The following PLB1 variants were observed in gnomAD, a reference collection of about 807,000 sequenced individuals.
PLB1 encodes the protein phospholipase B1.
A neutral mutation model predicts 227.4 loss-of-function variants in PLB1; 242 were observed. That is an observed-to-expected ratio of 1.06 (90% confidence interval 0.96 to 1.18). The LOEUF (loss-of-function observed/expected upper bound fraction) is 1.18. Ranked by LOEUF, PLB1 falls within the 50% of genes most tolerant of loss-of-function variation. The pLI, the probability that PLB1 is intolerant of heterozygous loss-of-function variation, is 0.00. For missense variants in PLB1, 1,858 were observed against 1,816.3 expected (o/e 1.02, Z -0.42); for synonymous variants, 757 against 682.2 (o/e 1.11, Z -1.71).
At chr2:28,569,209 G>T (rs1341288541) in intron 20 of PLB1, among the ~76,000 whole-genome samples, 1 of 145,416 alleles carries the variant, frequency 6.9e-6, no homozygotes, top group Non-Finnish European at 1.5e-5. Context: ...AGACAGCGGG[G>T]GCAAGTGTCC....
chr2:28,605,183 C>T (rs146231822), intron 41 of PLB1, among the ~76,000 whole-genome samples: 224 of 152,318 alleles, frequency 1.5e-3, no homozygotes, highest in African/African-American at 4.9e-3. Flanking sequence ...TCGTGTGCAA[C>T]GCTGCGGTTA....
chr2:28,577,568 C>T (rs916659392), intron 21 of PLB1, among the ~76,000 whole-genome samples: 2 of 152,146 alleles, frequency 1.3e-5, no homozygotes, highest in Non-Finnish European at 2.9e-5. Flanking sequence ...ACCGGCCGGG[C>T]GCGGTGGCTC....
At chr2:28,547,221 A>G (rs1354517759) in intron 14 of PLB1, among the ~76,000 whole-genome samples, 1 of 147,662 alleles carries the variant, frequency 6.8e-6, no homozygotes, top group Non-Finnish European at 1.5e-5. Context: ...AAAAAAGAAA[A>G]AAAAAAAATT....
intron 31 of PLB1, 56 bp downstream of exon 31, chr2:28,591,816 T>C (rs11127176): frequency 0.23 from 355,686 of 1,542,818 alleles, 43,903 homozygotes; most frequent in African/African-American, 0.39. Context: ...GCTGCTATGC[T>C]GGTGAGTCCT....
intron 34 of PLB1, among the ~76,000 whole-genome samples, 174 bp downstream of exon 34, chr2:28,598,222 A>G (rs1287708319): frequency 6.6e-6 from 1 of 152,166 alleles, no homozygotes; most frequent in Non-Finnish European, 1.5e-5. Context: ...TAAACACCAG[A>G]TTTAGAGCCT....
Position 28,538,366 on chromosome 2 carries a change from C to T in PLB1, c.603C>T (p.Asp201=), listed in dbSNP as rs770397808. 4 of 1,612,396 alleles carry T rather than the reference C, an allele frequency of 2.5e-6. No individual in the cohort carries two copies. The highest frequency in any genetic ancestry group is 1.3e-5 in the African/African-American group (1 of 74,980). Residue 201 remains aspartate, a synonymous_variant, in exon 10 of 58, where the codon GAC becomes GAT. Coordinates refer to ENST00000327757, the MANE Select transcript of PLB1 (RefSeq NM_153021.5). ...TGGATGAGCTGATGGGGGTGCTGGA[C>T]TACCTGCAGCAGGAGGTGAGGCCAC... is the stretch of plus-strand genomic sequence containing the variant. The part of the protein sequence containing the change: ...GGVDELMGVL[D]YLQQEVPRAF...
chr2:28,579,602 A>G (rs752975589), intron 22 of PLB1, 25 bp from the exon 23 acceptor site: 51 of 1,578,326 alleles, frequency 3.2e-5, no homozygotes, highest in African/African-American at 9.4e-5. Context: ...CAAGGTGCTT[A>G]CTTCTGTGTT....
chr2:28,593,786 C>G (rs1257421069), intron 33 of PLB1, 32 bp downstream of exon 33: 1 of 1,569,762 alleles, frequency 6.4e-7, no homozygotes, highest in Non-Finnish European at 8.8e-7. Context: ...TCCCAGCGTT[C>G]CCCCCACAAC....
At chr2:28,613,918 T>C in intron 43 of PLB1, 113 bp from the exon 44 acceptor site, 1 of 876,380 alleles carries the variant, frequency 1.1e-6, no homozygotes, top group Non-Finnish European at 1.9e-6. Context: ...TCTATATAAG[T>C]GCAGAAGAAT....
At chr2:28,567,499 G>A (rs1224485246) in intron 20 of PLB1, among the ~76,000 whole-genome samples, 6 of 110,588 alleles carry the variant, frequency 5.4e-5, no homozygotes, top group Non-Finnish European at 5.1e-5. Context: ...TTGAGATGGA[G>A]TCTCACTCTG....
intron 6 of PLB1, 32 bp downstream of exon 6, chr2:28,525,977 A>C (rs1480879367): frequency 6.2e-7 from 1 of 1,613,510 alleles, no homozygotes; most frequent in East Asian, 2.2e-5. Flanking sequence ...CAGATTTCAG[A>C]GTGCCCCTCT....
chr2:28,561,054 G>C (rs1558763173), intron 17 of PLB1, among the ~76,000 whole-genome samples: 1 of 152,178 alleles, frequency 6.6e-6, no homozygotes. Context: ...GAAGCCTGCT[G>C]TGACCCCCTC....
At chr2:28,612,583 T>C (rs1685612735) in intron 43 of PLB1, among the ~76,000 whole-genome samples, 1 of 151,400 alleles carries the variant, frequency 6.6e-6, no homozygotes, top group African/African-American at 2.4e-5. Flanking sequence ...TGAGACGAGA[T>C]CACTTTTCCA....
intron 42 of PLB1, 151 bp downstream of exon 42, chr2:28,606,099 A>AG: frequency 1.5e-6 from 1 of 662,516 alleles, no homozygotes; most frequent in Non-Finnish European, 2.6e-6. Flanking sequence ...GGAGTCCTTA[A>AG]GAGTCTGCTC....
intron 16 of PLB1, among the ~76,000 whole-genome samples, chr2:28,551,213 G>A (rs936374506): frequency 6.6e-6 from 1 of 152,232 alleles, no homozygotes; most frequent in South Asian, 2.1e-4. Flanking sequence ...AACCCAGATT[G>A]TGTGGAGCTC....
chr2:28,633,515 A>G (rs1280225783), intron 56 of PLB1: 2 of 156,330 alleles, frequency 1.3e-5, no homozygotes, highest in East Asian at 1.9e-4. Context: ...TCAGCCTTCC[A>G]AGCACTCCGG....
chr2:28,578,158 G>A lies in PLB1; in HGVS notation c.1485G>A (p.Thr495=), dbSNP rs372316052. Residue 495 remains threonine, a splice_region_variant and synonymous_variant, in exon 22 of 58, where the codon ACG becomes ACA. Transcript: ENST00000327757. ...RRLVDLMKND[T]RIHFQEDWKI... ...TGGTGGACCTGATGAAGAATGACAC[G>A]GTGGGTCCCTGGGATGGGAAGTAGG... The A allele has an allele frequency of 4.5e-5, 72 of 1,613,806 alleles. No individual in the cohort carries two copies. The highest frequency in any genetic ancestry group is 2.0e-4 in the Admixed American group (12 of 60,004).
intron 56 of PLB1, among the ~76,000 whole-genome samples, chr2:28,634,383 C>CAAAG (rs1026646634): frequency 6.6e-6 from 1 of 152,144 alleles, no homozygotes; most frequent in East Asian, 1.9e-4. Flanking sequence ...AAAATCTTCC[C>CAAAG]AAAGAAAGGG....
At chr2:28,542,090 G>T (rs1419743539) in intron 13 of PLB1, among the ~76,000 whole-genome samples, 1 of 149,076 alleles carries the variant, frequency 6.7e-6, no homozygotes, top group African/African-American at 2.5e-5. Context: ...CTGAGATCCT[G>T]CCACTGCACT....
Sources: allele counts gnomAD v4.1 joint callset (sites outside exome capture counted in the v4.1 genomes callset), GRCh38; gene constraint gnomAD v4.1.1; transcripts MANE v1.5; gene names NCBI Gene and HGNC (gene_info 2026-07-23, HGNC 2026-07-21).